Variants in FERRY3 observed in about 807,000 individuals in gnomAD.
The protein encoded by FERRY3 is protein C12orf4.
At chr12:4,529,988 G>A in the FERRY3 span, 1 of 1,613,178 alleles carries the variant, frequency 6.2e-7, no homozygotes, top group Non-Finnish European at 8.5e-7. Flanking sequence ...TTAAGTCATG[G>A]TACACATCTG....
chr12:4,489,453 G>A, the FERRY3 span: 1 of 159,674 alleles, frequency 6.3e-6, no homozygotes, highest in African/African-American at 2.4e-5. Context: ...CACCTGAGAC[G>A]AGTCAAGCCT....
At chr12:4,512,189 GGAA>G in the FERRY3 span, among the ~76,000 whole-genome samples, 1 of 138,194 alleles carries the variant, frequency 7.2e-6, no homozygotes, top group Non-Finnish European at 1.5e-5. Flanking sequence ...GACTAAACCA[GGAA>G]GAAGTTGAAT....
the FERRY3 span, chr12:4,500,269 G>T: frequency 6.2e-7 from 1 of 1,613,964 alleles, no homozygotes; most frequent in South Asian, 1.1e-5. Context: ...GATTTCACAT[G>T]GTCATCCACA....
the FERRY3 span, among the ~76,000 whole-genome samples, chr12:4,498,053 T>C: frequency 6.6e-6 from 1 of 152,246 alleles, no homozygotes; most frequent in Admixed American, 6.5e-5. Context: ...TATACTTTTG[T>C]GAATTAAATT....
At chr12:4,520,415 G>T in the FERRY3 span, among the ~76,000 whole-genome samples, 3 of 152,310 alleles carry the variant, frequency 2.0e-5, no homozygotes, top group African/African-American at 7.2e-5. Context: ...CAAGTAACAA[G>T]TAACAAGCCT....
the FERRY3 span, among the ~76,000 whole-genome samples, chr12:4,504,356 T>C: frequency 6.6e-6 from 1 of 152,136 alleles, no homozygotes; most frequent in East Asian, 1.9e-4. Flanking sequence ...AGTTAAAAAA[T>C]TGTATAAAGT....
the FERRY3 span, among the ~76,000 whole-genome samples, chr12:4,514,169 G>A: frequency 6.6e-6 from 1 of 151,616 alleles, no homozygotes; most frequent in Non-Finnish European, 1.5e-5. Context: ...GGCCATCAGA[G>A]AAATGCAAAT....
At chr12:4,504,622 G>C in the FERRY3 span, among the ~76,000 whole-genome samples, 1 of 152,104 alleles carries the variant, frequency 6.6e-6, no homozygotes, top group Non-Finnish European at 1.5e-5. Flanking sequence ...CTTGATTTTA[G>C]CTATAAGGCT....
chr12:4,501,821 A>T, the FERRY3 span, among the ~76,000 whole-genome samples: 1 of 151,828 alleles, frequency 6.6e-6, no homozygotes. Context: ...AACCTCCCCA[A>T]CCCCCGGTCT....
the FERRY3 span, among the ~76,000 whole-genome samples, chr12:4,529,208 G>A: frequency 1.1e-4 from 16 of 152,022 alleles, no homozygotes; most frequent in African/African-American, 3.6e-4. Flanking sequence ...CTGAAGAAAA[G>A]ATAAATAATA....
At chr12:4,505,245 G>T in the FERRY3 span, 2 of 1,019,422 alleles carry the variant, frequency 2.0e-6, no homozygotes, top group Non-Finnish European at 1.5e-6. Context: ...CCTATGGTGT[G>T]CATTATAAAA....
At chr12:4,521,368 G>A in the FERRY3 span, among the ~76,000 whole-genome samples, 149 of 151,924 alleles carry the variant, frequency 9.8e-4, no homozygotes, top group Non-Finnish European at 1.7e-3. Flanking sequence ...ACTCTGTCTC[G>A]GGGCCGGGGA....
the FERRY3 span, chr12:4,502,586 C>T: frequency 7.8e-5 from 27 of 346,462 alleles, 1 homozygote; most frequent in South Asian, 4.8e-4. The surrounding 1 kb of genome is among the most constrained non-coding windows in gnomAD (Gnocchi z 4.2). Context: ...GAAAGGTCTG[C>T]GTATCTCTAC....
chr12:4,534,203 A>G, the FERRY3 span: 4 of 1,612,322 alleles, frequency 2.5e-6, no homozygotes, highest in African/African-American at 2.7e-5. Context: ...ATGTAAATCT[A>G]CTTCACCTGA....
the FERRY3 span, chr12:4,536,197 TC>T: frequency 6.4e-7 from 1 of 1,555,062 alleles, no homozygotes; most frequent in East Asian, 2.4e-5. Context: ...TTCTTCATAT[TC>T]TTTGACAGGA....
the FERRY3 span, chr12:4,518,167 A>C: frequency 6.2e-7 from 1 of 1,614,114 alleles, no homozygotes; most frequent in Non-Finnish European, 8.5e-7. Context: ...GAAGTTTCAC[A>C]CCACTTCGAT....
chr12:4,516,977 T>G, the FERRY3 span: 1 of 1,159,238 alleles, frequency 8.6e-7, no homozygotes, highest in Non-Finnish European at 1.1e-6. Context: ...TCCACCAACA[T>G]AATTTTCTAT....
At chr12:4,514,573 T>C in the FERRY3 span, among the ~76,000 whole-genome samples, 1 of 151,700 alleles carries the variant, frequency 6.6e-6, no homozygotes, top group Non-Finnish European at 1.5e-5. Context: ...CCATAAAAAA[T>C]GATGAGTTCA....
At chr12:4,533,279 C>T in the FERRY3 span, among the ~76,000 whole-genome samples, 3 of 152,122 alleles carry the variant, frequency 2.0e-5, no homozygotes, top group South Asian at 6.2e-4. Context: ...ACTTTGCCGC[C>T]TTAAAAAACA....
Sources: allele counts gnomAD v4.1 joint callset (sites outside exome capture counted in the v4.1 genomes callset), GRCh38; gene constraint gnomAD v4.1.1; non-coding constraint Gnocchi (gnomAD v3.1); transcripts MANE v1.5; gene names NCBI Gene and HGNC (gene_info 2026-07-23, HGNC 2026-07-21).